Variants in ROBO2 observed in about 807,000 individuals in gnomAD.
ROBO2 encodes the protein roundabout guidance receptor 2.
Under a neutral mutation model 160.8 loss-of-function variants are expected in ROBO2, and 53 were observed. That is an observed-to-expected ratio of 0.33 (90% CI 0.26 to 0.41). The LOEUF is 0.41. Among genes scored for constraint, ROBO2 ranks in the 10% least tolerant of loss-of-function variants. The pLI is 1.00. For missense variants in ROBO2, 1,577 were observed against 1,722.4 expected (o/e 0.92, Z 1.49); for synonymous variants, 664 against 611.7 (o/e 1.09, Z -1.26).
exon 26 of ROBO2, chr3:77,647,044 C>A (rs2095417265): frequency 6.6e-6 from 1 of 152,428 alleles, no homozygotes; most frequent in Non-Finnish European, 1.5e-5. Context: ...AGGAAACGAA[C>A]AAAATGAACT....
At chr3:77,285,119 A>G (rs2028513) in intron 2 of ROBO2, among the ~76,000 whole-genome samples, 48,594 of 151,970 alleles carry the variant, frequency 0.32, 8,175 homozygotes, top group Non-Finnish European at 0.37. Flanking sequence ...AAAGAGAATC[A>G]GTTACCTTTC....
At chr3:77,247,935 A>G (rs923411714) in intron 2 of ROBO2, among the ~76,000 whole-genome samples, 7 of 152,146 alleles carry the variant, frequency 4.6e-5, no homozygotes, top group Non-Finnish European at 8.8e-5. Flanking sequence ...GCCTGGAACC[A>G]TGGCCAAAAG....
intron 16 of ROBO2, among the ~76,000 whole-genome samples, chr3:77,587,087 A>G (rs542604093): frequency 7.9e-5 from 12 of 152,070 alleles, no homozygotes; most frequent in African/African-American, 2.7e-4. Context: ...GCTCAGACCA[A>G]TATGGGTCAG....
chr3:76,729,601 G>A (rs1396942249), intron 2 of ROBO2, among the ~76,000 whole-genome samples: 1 of 149,272 alleles, frequency 6.7e-6, no homozygotes, highest in Non-Finnish European at 1.5e-5. Context: ...ACTTTTTCCT[G>A]TTGAGTACAC....
At chr3:76,653,757 C>T (rs2109925863) in intron 2 of ROBO2, among the ~76,000 whole-genome samples, 1 of 152,224 alleles carries the variant, frequency 6.6e-6, no homozygotes, top group African/African-American at 2.4e-5. Flanking sequence ...CATTTTATAA[C>T]TTCAGTTATG....
chr3:75,994,102 C>G (rs541629238), intron 2 of ROBO2, among the ~76,000 whole-genome samples: 79 of 152,202 alleles, frequency 5.2e-4, no homozygotes, highest in African/African-American at 1.3e-3. Flanking sequence ...AAGTATAGGG[C>G]TCTGTGGGAC....
At chr3:76,193,208 CTT>C (rs1402830929) in intron 2 of ROBO2, among the ~76,000 whole-genome samples, 1 of 152,142 alleles carries the variant, frequency 6.6e-6, no homozygotes, top group Non-Finnish European at 1.5e-5. Context: ...TGGGATCACT[CTT>C]TCCTACTCCC....
chr3:76,530,805 T>C (rs1035042360), intron 2 of ROBO2, among the ~76,000 whole-genome samples: 3 of 152,174 alleles, frequency 2.0e-5, no homozygotes, highest in Non-Finnish European at 2.9e-5. Context: ...AAAAAGATTA[T>C]CCTGCTACAT....
intron 2 of ROBO2, among the ~76,000 whole-genome samples, chr3:76,484,756 C>T (rs3899654): frequency 0.57 from 86,876 of 151,920 alleles, 24,903 homozygotes; most frequent in Admixed American, 0.61. Context: ...AGCTAGTTCT[C>T]TGTTTGGCCT....
intron 2 of ROBO2, among the ~76,000 whole-genome samples, chr3:76,138,492 C>T (rs1456799994): frequency 6.6e-6 from 1 of 151,944 alleles, no homozygotes; most frequent in East Asian, 1.9e-4. Flanking sequence ...TAAAAGGGAA[C>T]TTGATGTGTG....
intron 2 of ROBO2, among the ~76,000 whole-genome samples, chr3:76,649,020 C>T (rs993493476): frequency 6.6e-6 from 1 of 151,886 alleles, no homozygotes; most frequent in Non-Finnish European, 1.5e-5. Context: ...TGATGCAGTA[C>T]GTCAGGAAAT....
intron 2 of ROBO2, among the ~76,000 whole-genome samples, chr3:75,982,612 CAGT>C (rs1176880787): frequency 6.6e-6 from 1 of 151,384 alleles, no homozygotes; most frequent in Non-Finnish European, 1.5e-5. Context: ...CCTAATTTTA[CAGT>C]AGAAGAAAAT....
intron 2 of ROBO2, among the ~76,000 whole-genome samples, chr3:76,622,223 GAAGGAAGGAAGGAAGA>G (rs1560251560): frequency 1.4e-3 from 33 of 23,666 alleles, no homozygotes; most frequent in Middle Eastern, 0.015. Flanking sequence ...AGGAAGGAAG[GAAGGAAGGAAGGAAGA>G]AAGAAAGAAA....
At chr3:77,163,026 G>A (rs985697966) in intron 2 of ROBO2, among the ~76,000 whole-genome samples, 11 of 151,896 alleles carry the variant, frequency 7.2e-5, no homozygotes, top group African/African-American at 2.4e-4. Context: ...AGTAAAGACA[G>A]GGTTTCACCA....
chr3:77,395,269 A>C (rs1271424243), intron 2 of ROBO2, among the ~76,000 whole-genome samples: 6 of 152,230 alleles, frequency 3.9e-5, no homozygotes, highest in African/African-American at 1.4e-4. Context: ...CACAGCTGTT[A>C]CTAGGATAAC....
intron 2 of ROBO2, among the ~76,000 whole-genome samples, chr3:76,588,904 C>T (rs1409064391): frequency 1.3e-5 from 2 of 152,026 alleles, no homozygotes; most frequent in Non-Finnish European, 2.9e-5. Flanking sequence ...CAGCATAAAC[C>T]GAATGAAACT....
At chr3:77,459,848 G>A (rs1195303988) in intron 2 of ROBO2, among the ~76,000 whole-genome samples, 3 of 151,808 alleles carry the variant, frequency 2.0e-5, no homozygotes, top group Non-Finnish European at 4.4e-5. Flanking sequence ...GGGAGCAGAA[G>A]GGGTAGATAC....
At chr3:77,159,338 A>G (rs1426323861) in intron 2 of ROBO2, among the ~76,000 whole-genome samples, 1 of 152,118 alleles carries the variant, frequency 6.6e-6, no homozygotes, top group Non-Finnish European at 1.5e-5. Context: ...AATGTGTGCA[A>G]TCTGCTGGTA....
Position 75,962,386 on chromosome 3 carries a change from A to G in ROBO2, c.109+24784A>G, listed in dbSNP as rs527713173. 2.9e-4 allele frequency among the ~76,000 whole-genome samples: 44 copies of G among 151,966 alleles called. 1 individual carries two copies. The highest frequency in any genetic ancestry group is 1.0e-3 in the African/African-American group (43 of 41,542). On this transcript the variant is annotated intron_variant, in intron 2 of 26. Coordinates refer to the ROBO2 transcript ENST00000487694. ...CTTTAAGAGGAATTAGACATAGTCA[A>G]TGGAAAGAATATGACCAATAATGTG...
Sources: gnomAD v4.1 joint callset for allele counts (sites outside exome capture counted in the v4.1 genomes callset) on GRCh38, gnomAD v4.1.1 for gene constraint, MANE v1.5 for transcripts, NCBI Gene and HGNC (gene_info 2026-07-23, HGNC 2026-07-21) for gene names.